Variants in PPP1R9A observed in about 807,000 individuals in gnomAD.
PPP1R9A encodes protein phosphatase 1 regulatory subunit 9A, also known as neurabin-1.
Under a neutral mutation model 141.9 loss-of-function variants are expected in PPP1R9A, and 59 were observed. That is an observed-to-expected ratio of 0.42 (90% CI 0.34 to 0.52). The LOEUF (loss-of-function observed/expected upper bound fraction) is 0.52, where lower values mean the gene tolerates loss of function less well. PPP1R9A is among the 20% of genes least tolerant of loss of function. PPP1R9A has a pLI of 0.10. For synonymous variants in PPP1R9A, 500 were observed against 569.7 expected (o/e 0.88, Z 1.74); for missense variants, 1,444 against 1,611.9 (o/e 0.90, Z 1.78).
At chr7:95,155,102 C>T in intron 4 of PPP1R9A, 1 of 150,248 alleles carries the variant, frequency 6.7e-6, no homozygotes, top group East Asian at 1.9e-4. Flanking sequence ...ATGAAAAATT[C>T]AAAATTTAAA....
chr7:95,169,623 A>G (rs1457067438), intron 5 of PPP1R9A, among the ~76,000 whole-genome samples: 1 of 151,980 alleles, frequency 6.6e-6, no homozygotes, highest in African/African-American at 2.4e-5. Flanking sequence ...ATAGCATGTA[A>G]GAAAATGTCA....
In PPP1R9A at chr7:95,070,286, T is replaced by A. The variant is rs76298735; in HGVS notation, c.1396-40973T>A. Among the ~76,000 whole-genome samples the A allele has an allele frequency of 7.0e-4, 107 of 152,072 alleles. 2 individuals carry two copies. The East Asian group carries it at 0.02, about 28-fold the overall frequency. On this transcript the variant is annotated intron_variant, in intron 2 of 19. Transcript: ENST00000433360. Reference sequence around the variant, plus strand: ...TCTTTCCCTGTATGTCATGGAAAAATTTCTGTGTTAATTGGAGGTGGTTTC... The same window carrying A: ...TCTTTCCCTGTATGTCATGGAAAAAATTCTGTGTTAATTGGAGGTGGTTTC...
intron 12 of PPP1R9A, among the ~76,000 whole-genome samples, chr7:95,258,721 A>G (rs754457810): frequency 9.2e-5 from 14 of 152,224 alleles, no homozygotes; most frequent in Non-Finnish European, 1.6e-4. Context: ...AAGTTCACAA[A>G]AGCAGGAACC....
chr7:95,289,434 CCCT>C (rs1805990470), intron 19 of PPP1R9A, among the ~76,000 whole-genome samples: 1 of 152,166 alleles, frequency 6.6e-6, no homozygotes, highest in Non-Finnish European at 1.5e-5. Flanking sequence ...ACAAGGCTGT[CCCT>C]GTTGGGGAGA....
chr7:95,285,264 A>G (rs1805067549), intron 17 of PPP1R9A, among the ~76,000 whole-genome samples: 1 of 152,236 alleles, frequency 6.6e-6, no homozygotes, highest in Non-Finnish European at 1.5e-5. Flanking sequence ...TAGAAACAAG[A>G]TGGTGTTGGT....
intron 5 of PPP1R9A, among the ~76,000 whole-genome samples, chr7:95,173,989 A>G (rs1265129939): frequency 6.6e-6 from 1 of 152,104 alleles, no homozygotes; most frequent in Non-Finnish European, 1.5e-5. Flanking sequence ...ATACACTTAT[A>G]CCAGCTAGCA....
At chr7:95,004,376 A>G (rs854731) in intron 2 of PPP1R9A, among the ~76,000 whole-genome samples, 73,828 of 151,880 alleles carry the variant, frequency 0.49, 18,489 homozygotes, top group Middle Eastern at 0.57. Flanking sequence ...GGACACACCT[A>G]GGTTACATTT....
chr7:95,275,283 C>G (rs989863956), intron 16 of PPP1R9A, among the ~76,000 whole-genome samples: 1 of 152,086 alleles, frequency 6.6e-6, no homozygotes. Context: ...TGGCGCACAC[C>G]TGTAATCCCA....
At chr7:95,086,084 T>C (rs1484593985) in intron 2 of PPP1R9A, among the ~76,000 whole-genome samples, 1 of 151,926 alleles carries the variant, frequency 6.6e-6, no homozygotes, top group African/African-American at 2.4e-5. Flanking sequence ...AAAATAATAT[T>C]AAAATTTAAA....
intron 4 of PPP1R9A, among the ~76,000 whole-genome samples, chr7:95,145,639 C>T (rs1025779740): frequency 1.3e-5 from 2 of 152,032 alleles, no homozygotes; most frequent in African/African-American, 2.4e-5. Context: ...CTGGGCATGG[C>T]GGCTCACACC....
At chr7:95,109,784 C>T (rs1030490366) in intron 2 of PPP1R9A, among the ~76,000 whole-genome samples, 1 of 151,092 alleles carries the variant, frequency 6.6e-6, no homozygotes, top group African/African-American at 2.4e-5. Flanking sequence ...GCAGAAGCTA[C>T]AGTGAGCCTA....
At chr7:94,981,510 T>C (rs1800105698) in intron 2 of PPP1R9A, among the ~76,000 whole-genome samples, 1 of 152,184 alleles carries the variant, frequency 6.6e-6, no homozygotes, top group South Asian at 2.1e-4. Flanking sequence ...GTGTTGGGTT[T>C]ACAGGCATGA....
At chr7:95,048,579 G>A (rs1810357713) in intron 2 of PPP1R9A, among the ~76,000 whole-genome samples, 1 of 151,918 alleles carries the variant, frequency 6.6e-6, no homozygotes, top group African/African-American at 2.4e-5. Flanking sequence ...GTCTCATTCT[G>A]TTGCCCAGGC....
chr7:95,047,096 AAC>A (rs1241207698), intron 2 of PPP1R9A, among the ~76,000 whole-genome samples: 1 of 152,228 alleles, frequency 6.6e-6, no homozygotes, highest in African/African-American at 2.4e-5. Context: ...GGTTCTGTGT[AAC>A]ACACACCATA....
At chr7:95,129,345 T>C (rs1343148594) in intron 4 of PPP1R9A, among the ~76,000 whole-genome samples, 1 of 152,080 alleles carries the variant, frequency 6.6e-6, no homozygotes, top group Non-Finnish European at 1.5e-5. Flanking sequence ...AAGGAGAGAT[T>C]CTCTGCACAA....
At chr7:95,104,896 G>C (rs1183755882) in intron 2 of PPP1R9A, among the ~76,000 whole-genome samples, 1 of 152,186 alleles carries the variant, frequency 6.6e-6, no homozygotes, top group African/African-American at 2.4e-5. Context: ...GTGAGTCAGG[G>C]TTCTGCCAAG....
At chr7:95,199,637 C>A (rs1353579976) in intron 6 of PPP1R9A, among the ~76,000 whole-genome samples, 4 of 151,972 alleles carry the variant, frequency 2.6e-5, no homozygotes, top group African/African-American at 9.7e-5. Flanking sequence ...ATTAGAAATC[C>A]TTTAAATGAA....
chr7:94,946,910 A>G (rs1795951882), intron 2 of PPP1R9A, among the ~76,000 whole-genome samples: 1 of 152,134 alleles, frequency 6.6e-6, no homozygotes, highest in South Asian at 2.1e-4. Context: ...GTATAACTGC[A>G]TTGATCTGAT....
intron 4 of PPP1R9A, among the ~76,000 whole-genome samples, chr7:95,137,208 A>G (rs1183181507): frequency 6.6e-6 from 1 of 150,806 alleles, no homozygotes; most frequent in Admixed American, 6.6e-5. Flanking sequence ...TACATTAGGT[A>G]TATCTCCTAA....
Sources: gnomAD v4.1 joint callset for allele counts (sites outside exome capture counted in the v4.1 genomes callset) on GRCh38, gnomAD v4.1.1 for gene constraint, MANE v1.5 for transcripts, NCBI Gene and HGNC (gene_info 2026-07-23, HGNC 2026-07-21) for gene names.